ZDHHC21: variants seen among roughly 807,000 people sequenced by gnomAD.
ZDHHC21 encodes palmitoyltransferase ZDHHC21.
ZDHHC21 carries 15 observed loss-of-function variants against 34.6 expected under a neutral mutation model. The observed-to-expected ratio is 0.43, with a 90% CI of 0.29 to 0.67. The LOEUF (loss-of-function observed/expected upper bound fraction) is 0.67. ZDHHC21 is among the 30% of genes least tolerant of loss of function. ZDHHC21 has a pLI of 0.14. For synonymous variants in ZDHHC21, 142 were observed against 101.8 expected, an observed-to-expected ratio of 1.40 and a Z score of -2.38; for missense variants, 344 against 327.7, an observed-to-expected ratio of 1.05 and a Z score of -0.38.
intron 7 of ZDHHC21, among the ~76,000 whole-genome samples, chr9:14,650,449 G>A (rs1238597974): frequency 6.6e-6 from 1 of 151,806 alleles, no homozygotes; most frequent in Non-Finnish European, 1.5e-5. Context: ...AGCTAAATGT[G>A]TATTTTAGCA....
chr9:14,623,879 T>C (rs1452617583), intron 8 of ZDHHC21, among the ~76,000 whole-genome samples: 2 of 152,034 alleles, frequency 1.3e-5, no homozygotes, highest in Non-Finnish European at 2.9e-5. Flanking sequence ...AGGGAACCCT[T>C]ACACAGTCTG....
intron 7 of ZDHHC21, among the ~76,000 whole-genome samples, 174 bp downstream of exon 7, chr9:14,658,575 C>A (rs1832759977): frequency 7.0e-6 from 1 of 143,690 alleles, no homozygotes. Context: ...GGGTTCACGC[C>A]ATTCTCCTGC....
At chr9:14,647,785 A>AC (rs1830525513) in intron 7 of ZDHHC21, among the ~76,000 whole-genome samples, 2 of 152,134 alleles carry the variant, frequency 1.3e-5, no homozygotes, top group Non-Finnish European at 2.9e-5. Flanking sequence ...TCAAAAACTG[A>AC]TGAGTGCCTA....
the ZDHHC21 span, among the ~76,000 whole-genome samples, chr9:14,602,012 G>C: frequency 3.9e-5 from 6 of 152,026 alleles, no homozygotes; most frequent in African/African-American, 9.7e-5. Context: ...GGGGGAGCTA[G>C]GGGAGGGATA....
At chr9:14,603,807 G>A in the ZDHHC21 span, among the ~76,000 whole-genome samples, 2 of 152,184 alleles carry the variant, frequency 1.3e-5, no homozygotes, top group African/African-American at 4.8e-5. Context: ...CTGAACTTTA[G>A]AGGGGTCGAA....
At chr9:14,607,979 T>C (rs558829224), downstream of ZDHHC21, among the ~76,000 whole-genome samples, 178 of 152,316 alleles carry the variant, frequency 1.2e-3, 1 homozygote, top group African/African-American at 4.1e-3. Flanking sequence ...TTCCACATTG[T>C]GGGTACTTTT....
chr9:14,602,238 C>T, the ZDHHC21 span, among the ~76,000 whole-genome samples: 6 of 151,674 alleles, frequency 4.0e-5, no homozygotes, highest in East Asian at 1.9e-4. Context: ...CAACAATAGA[C>T]TAGATCAAGC....
In ZDHHC21 at chr9:14,618,924, T is replaced by C. The variant is rs758026894; in HGVS notation, c.*42A>G. The C allele has an allele frequency of 2.2e-5, 33 of 1,534,268 alleles. No homozygotes were observed. The highest frequency in any genetic ancestry group is 1.0e-4 in the Admixed American group (5 of 49,002). ...CTATTATCATAAAACCTGTAACGCA[T>C]TGCCAGCATGGAGGACCCATCTGTG... On this transcript the variant is annotated 3_prime_UTR_variant, in exon 10 of 10. Coordinates refer to ENST00000380916, the MANE Select transcript of ZDHHC21 (RefSeq NM_178566.6).
chr9:14,640,316 A>AG (rs1488171539), intron 7 of ZDHHC21, among the ~76,000 whole-genome samples: 2 of 150,524 alleles, frequency 1.3e-5, no homozygotes, highest in Non-Finnish European at 3.0e-5. Flanking sequence ...GGGAAAAAAA[A>AG]AAAAAAAAAG....
downstream of ZDHHC21, among the ~76,000 whole-genome samples, chr9:14,607,009 C>A (rs1437229529): frequency 6.7e-6 from 1 of 149,668 alleles, no homozygotes; most frequent in African/African-American, 2.5e-5. Flanking sequence ...CTAGACTTTA[C>A]CTACAGAAAT....
chr9:14,631,695 T>A (rs113114020), intron 8 of ZDHHC21, among the ~76,000 whole-genome samples: 24 of 152,238 alleles, frequency 1.6e-4, no homozygotes, highest in African/African-American at 4.8e-4. Context: ...GAGGCCACCA[T>A]AGGATTATTA....
chr9:14,621,939 C>T (rs908323801), intron 8 of ZDHHC21, among the ~76,000 whole-genome samples: 6 of 152,028 alleles, frequency 3.9e-5, no homozygotes, highest in African/African-American at 1.2e-4. Context: ...AAAGACTCAA[C>T]ACAGTTAGTG....
At chr9:14,606,544 A>T (rs1217752602), downstream of ZDHHC21, among the ~76,000 whole-genome samples, 2 of 152,136 alleles carry the variant, frequency 1.3e-5, no homozygotes, top group Non-Finnish European at 2.9e-5. Context: ...TCCTCCAGCT[A>T]AGACCTCAGA....
At chr9:14,670,049 A>C (rs1173463884) in intron 5 of ZDHHC21, among the ~76,000 whole-genome samples, 1 of 151,982 alleles carries the variant, frequency 6.6e-6, no homozygotes, top group South Asian at 2.1e-4. Flanking sequence ...CAAACAAAAA[A>C]ACTTTGAATT....
At chr9:14,622,822 C>A in intron 8 of ZDHHC21, 1 of 729,404 alleles carries the variant, frequency 1.4e-6, no homozygotes, top group Non-Finnish European at 1.7e-6. Flanking sequence ...CTAGACCTGC[C>A]AAACTGCAGA....
intron 7 of ZDHHC21, among the ~76,000 whole-genome samples, chr9:14,646,794 C>T (rs540874324): frequency 2.6e-5 from 4 of 152,186 alleles, no homozygotes; most frequent in African/African-American, 9.6e-5. Context: ...TCCCTATTTC[C>T]TTGCTGTATT....
At chr9:14,673,617 T>C (rs947915999) in intron 4 of ZDHHC21, among the ~76,000 whole-genome samples, 14 of 151,594 alleles carry the variant, frequency 9.2e-5, no homozygotes, top group Admixed American at 8.6e-4. Flanking sequence ...AGTTTTATCA[T>C]ATATATATAA....
chr9:14,672,923 A>G lies in ZDHHC21; in HGVS notation c.160T>C (p.Tyr54His). 6.4e-7 allele frequency: 1 copy of G among 1,569,786 alleles called. No homozygotes were observed. Among genetic ancestry groups the G allele is most frequent in the Non-Finnish European group, 8.7e-7 (1 of 1,152,196 alleles). ...ACCAGACAGAATATGGAAATGCCAT[A>G]GAATACTTTAAAATAAATAAATTAA... Reference protein sequence around the residue: ...HIPGILIIIFYGISIFCLVAL... With the variant: ...HIPGILIIIFHGISIFCLVAL... The change falls in exon 5 of 10, where the codon TAT (tyrosine) becomes CAT (histidine). Residue 54 changes from tyrosine to histidine, a missense_variant. By Grantham distance (83) the Tyr-to-His change is moderately conservative (BLOSUM62 2). Transcript: ENST00000380916.
At chr9:14,672,280 C>CT (rs2131514427) in intron 5 of ZDHHC21, among the ~76,000 whole-genome samples, 1 of 152,190 alleles carries the variant, frequency 6.6e-6, no homozygotes, top group East Asian at 1.9e-4. Flanking sequence ...AGTTTCAACT[C>CT]TCTAGGCATT....
Sources: allele counts gnomAD v4.1 joint callset (sites outside exome capture counted in the v4.1 genomes callset), GRCh38; gene constraint gnomAD v4.1.1; transcripts MANE v1.5; gene names NCBI Gene and HGNC (gene_info 2026-07-23, HGNC 2026-07-21).